Variants in CAPZA2 observed in about 807,000 individuals in gnomAD.
CAPZA2 encodes the protein capping actin protein of muscle Z-line subunit alpha 2, also known as F-actin-capping protein subunit alpha-2.
CAPZA2 carries 13 observed loss-of-function variants against 44.0 expected under a neutral mutation model. The observed-to-expected ratio is 0.30, with a 90% CI of 0.19 to 0.47. The LOEUF is 0.47. Among genes scored for constraint, CAPZA2 ranks in the 20% least tolerant of loss-of-function variants. CAPZA2 has a pLI of 1.00. For missense variants in CAPZA2, 244 were observed against 338.6 expected (o/e 0.72, Z 2.19); for synonymous variants, 94 against 108.2 (o/e 0.87, Z 0.81).
chr7:116,880,067 A>G (rs561187895), intron 1 of CAPZA2: 1 of 467,314 alleles, frequency 2.1e-6, no homozygotes, highest in South Asian at 1.6e-5. Context: ...TTCTTCCCAG[A>G]CTAAGTCAGT....
chr7:116,896,784 A>G (rs868158234), intron 3 of CAPZA2, among the ~76,000 whole-genome samples: 1 of 152,096 alleles, frequency 6.6e-6, no homozygotes, highest in Non-Finnish European at 1.5e-5. Flanking sequence ...ATTTGCATAG[A>G]TGGAGGGGTG....
chr7:116,897,073 TC>T (rs1170183409), intron 3 of CAPZA2, among the ~76,000 whole-genome samples: 4 of 152,158 alleles, frequency 2.6e-5, no homozygotes, highest in Non-Finnish European at 5.9e-5. Context: ...TTCCTATTTT[TC>T]CTTTATCCCC....
At chr7:116,886,974 C>G (rs1214554806) in intron 1 of CAPZA2, among the ~76,000 whole-genome samples, 1 of 152,186 alleles carries the variant, frequency 6.6e-6, no homozygotes, top group Non-Finnish European at 1.5e-5. Context: ...GTTAGCACAC[C>G]TGTTGATGTT....
intron 2 of CAPZA2, among the ~76,000 whole-genome samples, chr7:116,890,549 TATATATATATATATATATACAC>T (rs1403613881): frequency 5.5e-3 from 61 of 11,118 alleles, no homozygotes; most frequent in Non-Finnish European, 6.2e-3. Context: ...TATATATATA[TATATATATATATATATATACAC>T]ATATATATAT....
chr7:116,895,567 T>C (rs990027292), intron 3 of CAPZA2, among the ~76,000 whole-genome samples: 4 of 152,098 alleles, frequency 2.6e-5, no homozygotes, highest in Non-Finnish European at 4.4e-5. Context: ...TGATAAAATA[T>C]GATGCTTATA....
At chr7:116,864,775 G>C (rs2299441) in intron 1 of CAPZA2, among the ~76,000 whole-genome samples, 26,373 of 152,014 alleles carry the variant, frequency 0.17, 2,758 homozygotes, top group East Asian at 0.3. Context: ...ACGGTGGTTT[G>C]CACCTGTAAT....
intron 3 of CAPZA2, among the ~76,000 whole-genome samples, chr7:116,895,711 G>A (rs1408511990): frequency 1.3e-5 from 2 of 151,914 alleles, no homozygotes; most frequent in African/African-American, 4.8e-5. Flanking sequence ...TCAGTAGTAT[G>A]CAATTTCTCA....
At chr7:116,871,798 A>G (rs1585001194) in intron 1 of CAPZA2, among the ~76,000 whole-genome samples, 2 of 152,106 alleles carry the variant, frequency 1.3e-5, no homozygotes, top group East Asian at 3.8e-4. Flanking sequence ...TGTTGTCCTT[A>G]TTTCCTGTGT....
rs11402389 is a variant in CAPZA2 at position 116,899,660 on chromosome 7, GT to G, written c.219+837del. Among the ~76,000 whole-genome samples the G allele has an allele frequency of 6.5e-3, 922 of 142,484 alleles. 3 individuals carry two copies. Among genetic ancestry groups the G allele is most frequent in the Non-Finnish European group, 0.011 (724 of 65,222 alleles). 93.5% of individuals were successfully genotyped at this position (142,484 alleles called of 152,430 possible). On this transcript the variant is annotated intron_variant, in intron 4 of 9. Transcript: ENST00000361183. ...TTATTTTATCTCTGGGAAGATTTGG[GT>G]TTTTTTTTTTTGCTTTTTCTTTACT...
chr7:116,865,321 G>T (rs184131540), intron 1 of CAPZA2, among the ~76,000 whole-genome samples: 1 of 151,338 alleles, frequency 6.6e-6, no homozygotes, highest in South Asian at 2.1e-4. Flanking sequence ...GAGTAGCTGG[G>T]ATAACTGGCA....
At position 116,900,287 on chromosome 7, in the gene CAPZA2, G is replaced by C. The variant is rs561916323; in HGVS notation, c.219+1452G>C. On this transcript the variant is annotated intron_variant, in intron 4 of 9. Transcript: ENST00000361183. ...AGCATTATCATTTATCATAAATGGA[G>C]ATGTAGCAAATAAGACAAAAACATG... 1.6e-3 allele frequency among the ~76,000 whole-genome samples: 250 copies of C among 151,704 alleles called. 1 individual carries two copies. Among genetic ancestry groups the C allele is most frequent in the Non-Finnish European group, 3.0e-3 (202 of 67,838 alleles).
At chr7:116,867,688 A>G (rs965443126) in intron 1 of CAPZA2, among the ~76,000 whole-genome samples, 3 of 151,214 alleles carry the variant, frequency 2.0e-5, no homozygotes, top group African/African-American at 4.9e-5. Flanking sequence ...GGCCCAAGCA[A>G]TTCTCCTGTC....
At chr7:116,907,401 T>C (rs1028880888) in intron 6 of CAPZA2, among the ~76,000 whole-genome samples, 2 of 152,228 alleles carry the variant, frequency 1.3e-5, no homozygotes, top group South Asian at 4.1e-4. Context: ...TAAAATCTTG[T>C]AGCATTAATC....
At chr7:116,902,446 T>G (rs1653613418) in intron 4 of CAPZA2, among the ~76,000 whole-genome samples, 1 of 152,230 alleles carries the variant, frequency 6.6e-6, no homozygotes, top group Admixed American at 6.5e-5. Flanking sequence ...CCCACAAATG[T>G]GAAAAGCCAT....
intron 3 of CAPZA2, 50 bp downstream of exon 3, chr7:116,893,095 A>T: frequency 8.1e-7 from 1 of 1,232,968 alleles, no homozygotes; most frequent in South Asian, 1.4e-5. Flanking sequence ...TGGGAAAACG[A>T]GAGATGCTTT....
At position 116,908,283 on chromosome 7, in the gene CAPZA2, T is replaced by C. The variant is rs1180690812; in HGVS notation, c.506+1941T>C. The stretch of plus-strand genomic sequence containing the variant: ...CTCTAGAAGAAAAAAAAAAGAAATA[T>C]ACTTCAGTTCATCTAAAATATAGGT... On this transcript the variant is annotated intron_variant, in intron 6 of 9. Transcript: ENST00000361183. Among the ~76,000 whole-genome samples, 10 of 151,886 alleles carry C rather than the reference T, an allele frequency of 6.6e-5. No homozygotes were observed. In the East Asian group the frequency reaches 1.5e-3, roughly 23 times the overall value.
intron 7 of CAPZA2, 135 bp downstream of exon 7, chr7:116,910,446 A>G: frequency 1.7e-6 from 1 of 600,774 alleles, no homozygotes; most frequent in Non-Finnish European, 3.0e-6. Context: ...TGGGAAAAAC[A>G]ATAGTGCTGT....
chr7:116,885,421 C>G (rs1183738067), intron 1 of CAPZA2, among the ~76,000 whole-genome samples: 1 of 151,884 alleles, frequency 6.6e-6, no homozygotes, highest in African/African-American at 2.4e-5. Context: ...AGTCCCCCAC[C>G]AAAAATCAAG....
At chr7:116,911,807 A>G (rs1791601351) in intron 7 of CAPZA2, among the ~76,000 whole-genome samples, 2 of 152,248 alleles carry the variant, frequency 1.3e-5, no homozygotes, top group African/African-American at 4.8e-5. Flanking sequence ...TACCAGTAGA[A>G]TGAATGACTG....
Sources: allele counts gnomAD v4.1 joint callset (sites outside exome capture counted in the v4.1 genomes callset), GRCh38; gene constraint gnomAD v4.1.1; transcripts MANE v1.5; gene names NCBI Gene and HGNC (gene_info 2026-07-23, HGNC 2026-07-21).